MSI2: variants seen among roughly 807,000 people sequenced by gnomAD.
The protein encoded by MSI2 is RNA-binding protein Musashi homolog 2.
MSI2 carries 17 observed loss-of-function variants against 45.6 expected under a neutral mutation model. That is an observed-to-expected ratio of 0.37 (90% CI 0.26 to 0.56). MSI2 has a LOEUF of 0.56. MSI2 is among the 20% of genes least tolerant of loss of function. The probability of loss-of-function intolerance (pLI) is 0.77; values close to 1 mark genes in which losing one functional copy is unlikely to be tolerated. For synonymous variants in MSI2, 156 were observed against 158.2 expected (o/e 0.99, Z 0.11); for missense variants, 293 against 444.2 (o/e 0.66, Z 3.06).
chr17:57,352,639 G>T (rs1160767091), intron 5 of MSI2, among the ~76,000 whole-genome samples: 1 of 152,196 alleles, frequency 6.6e-6, no homozygotes, highest in African/African-American at 2.4e-5. Context: ...AAAGATAAAG[G>T]GTAGGGTCAG....
intron 5 of MSI2, chr17:57,267,110 A>T (rs1249553066): frequency 6.6e-6 from 1 of 152,258 alleles, no homozygotes; most frequent in African/African-American, 2.4e-5. Context: ...GGGTCATTCT[A>T]GCATCTTGCC....
intron 4 of MSI2, among the ~76,000 whole-genome samples, chr17:57,261,447 T>G (rs922535449): frequency 3.3e-5 from 5 of 152,190 alleles, no homozygotes; most frequent in African/African-American, 1.2e-4. Flanking sequence ...CTGTTGTTTT[T>G]AAAATCCAGG....
chr17:57,577,314 A>T (rs2088076507), intron 7 of MSI2, among the ~76,000 whole-genome samples: 1 of 152,210 alleles, frequency 6.6e-6, no homozygotes, highest in African/African-American at 2.4e-5. Flanking sequence ...TTTCCCCAGA[A>T]ATATTCAGAG....
chr17:57,459,037 G>C (rs989091255), intron 6 of MSI2, among the ~76,000 whole-genome samples: 1 of 152,224 alleles, frequency 6.6e-6, no homozygotes, highest in Non-Finnish European at 1.5e-5. Context: ...GTAAGAGCTG[G>C]ATGGATGGGA....
intron 7 of MSI2, among the ~76,000 whole-genome samples, chr17:57,542,194 G>C (rs2087064241): frequency 6.6e-6 from 1 of 152,158 alleles, no homozygotes; most frequent in Non-Finnish European, 1.5e-5. Flanking sequence ...GAATGGTGGT[G>C]ACCCAAGGAG....
the MSI2 span, among the ~76,000 whole-genome samples, chr17:57,699,123 G>A: frequency 0.047 from 1,289 of 27,356 alleles, 165 homozygotes; most frequent in African/African-American, 0.22. Context: ...GCCACTCTCA[G>A]ATGACTCTAA....
At chr17:57,639,967 G>C (rs186970629) in intron 10 of MSI2, among the ~76,000 whole-genome samples, 7 of 152,322 alleles carry the variant, frequency 4.6e-5, no homozygotes, top group South Asian at 2.1e-4. Flanking sequence ...AGATGCGGGG[G>C]ACACAGTGGT....
intron 6 of MSI2, among the ~76,000 whole-genome samples, chr17:57,402,041 G>A (rs1225423583): frequency 6.6e-6 from 1 of 152,196 alleles, no homozygotes; most frequent in Non-Finnish European, 1.5e-5. Flanking sequence ...TCTGGAACAG[G>A]CTGGGACCAA....
chr17:57,461,118 A>G (rs768298514), intron 6 of MSI2, among the ~76,000 whole-genome samples: 3 of 152,104 alleles, frequency 2.0e-5, no homozygotes, highest in African/African-American at 2.4e-5. Flanking sequence ...AACACCCTTC[A>G]TGACACTTGA....
At chr17:57,398,140 C>T (rs1391547119) in intron 5 of MSI2, among the ~76,000 whole-genome samples, 1 of 152,126 alleles carries the variant, frequency 6.6e-6, no homozygotes, top group African/African-American at 2.4e-5. Context: ...ATTTTCATTT[C>T]ACCAGTTATT....
chr17:57,392,369 T>C (rs1321837408), intron 5 of MSI2, among the ~76,000 whole-genome samples: 2 of 152,310 alleles, frequency 1.3e-5, no homozygotes, highest in Non-Finnish European at 2.9e-5. Flanking sequence ...GAGCTTCAGC[T>C]CCCAGCCGAA....
At chr17:57,450,303 G>GAAAGAAAGAAAGAAAGA (rs1567830933) in intron 6 of MSI2, 1 of 135,652 alleles carries the variant, frequency 7.4e-6, no homozygotes, top group African/African-American at 2.8e-5. Context: ...AAGAAAGAAA[G>GAAAGAAAGAAAGAAAGA]AAAGAAAGAA....
At chr17:57,302,330 G>A (rs1390486338) in intron 5 of MSI2, among the ~76,000 whole-genome samples, 3 of 152,100 alleles carry the variant, frequency 2.0e-5, no homozygotes, top group South Asian at 2.1e-4. Flanking sequence ...GGCTGGACTC[G>A]AATTCCTGGG....
chr17:57,618,128 C>T (rs1324474514), intron 9 of MSI2: 1 of 150,568 alleles, frequency 6.6e-6, no homozygotes, highest in Non-Finnish European at 1.5e-5. Context: ...GTGGCGTGCA[C>T]CTATGGCCTC....
chr17:57,264,275 A>G (rs1046470105), intron 5 of MSI2: 1 of 151,958 alleles, frequency 6.6e-6, no homozygotes, highest in Non-Finnish European at 1.5e-5. Context: ...TTTCCATCTC[A>G]TAGAGTTTTT....
chr17:57,353,967 CAAG>C (rs1379032564), intron 5 of MSI2, among the ~76,000 whole-genome samples: 5 of 152,016 alleles, frequency 3.3e-5, no homozygotes, highest in African/African-American at 1.2e-4. Context: ...TTTAACATAA[CAAG>C]AGAGAAAACA....
At chr17:57,634,280 A>G (rs146205252) in intron 10 of MSI2, among the ~76,000 whole-genome samples, 178 of 152,340 alleles carry the variant, frequency 1.2e-3, no homozygotes, top group African/African-American at 4.1e-3. Flanking sequence ...AGCCTAGCTA[A>G]CATGGTGAAA....
chr17:57,266,882 G>C (rs1907840530), intron 5 of MSI2: 1 of 152,262 alleles, frequency 6.6e-6, no homozygotes, highest in Admixed American at 6.5e-5. Flanking sequence ...GTTGTAGCAG[G>C]GCTGAGCTAG....
intron 5 of MSI2, among the ~76,000 whole-genome samples, chr17:57,287,356 G>A (rs908454855): frequency 2.6e-5 from 4 of 152,082 alleles, no homozygotes; most frequent in Admixed American, 6.5e-5. Context: ...TAATTTGCTG[G>A]CCTAGCACCC....
Sources: gnomAD v4.1 joint callset for allele counts (sites outside exome capture counted in the v4.1 genomes callset) on GRCh38, gnomAD v4.1.1 for gene constraint, MANE v1.5 for transcripts, NCBI Gene and HGNC (gene_info 2026-07-23, HGNC 2026-07-21) for gene names.